The following ESRRG variants were observed in gnomAD, a reference collection of about 807,000 sequenced individuals.
ESRRG encodes estrogen related receptor gamma.
A neutral mutation model predicts 44.0 loss-of-function variants in ESRRG; 13 were observed. That is an observed-to-expected ratio of 0.30 (90% CI 0.19 to 0.47). The LOEUF is 0.47. Among genes scored for constraint, ESRRG ranks in the 20% least tolerant of loss-of-function variants. ESRRG has a pLI of 1.00. For synonymous variants in ESRRG, 215 were observed against 214.6 expected (o/e 1.00, Z -0.02); for missense variants, 395 against 580.6 (o/e 0.68, Z 3.29).
At chr1:217,053,362 G>A (rs1045616390) in intron 1 of ESRRG, among the ~76,000 whole-genome samples, 2 of 151,936 alleles carry the variant, frequency 1.3e-5, no homozygotes, top group Non-Finnish European at 2.9e-5. Context: ...GGCTGAGGCA[G>A]GAGAATCGCT....
intron 3 of ESRRG, among the ~76,000 whole-genome samples, chr1:216,622,079 A>G (rs1332326445): frequency 6.6e-6 from 1 of 152,244 alleles, no homozygotes; most frequent in Non-Finnish European, 1.5e-5. Flanking sequence ...AACACCTTCC[A>G]TCAGCTGGAT....
At chr1:216,650,925 T>A in intron 3 of ESRRG, 48 bp downstream of exon 3, 1 of 1,233,926 alleles carries the variant, frequency 8.1e-7, no homozygotes, top group Non-Finnish European at 1.2e-6. Context: ...TTGCCTCCCA[T>A]CCCCACAGCA....
At chr1:216,521,027 AGAGAT>A (rs1222087441) in intron 5 of ESRRG, among the ~76,000 whole-genome samples, 1 of 152,174 alleles carries the variant, frequency 6.6e-6, no homozygotes, top group Non-Finnish European at 1.5e-5. Context: ...AATCATCAGA[AGAGAT>A]GAGTCAAGCT....
intron 1 of ESRRG, among the ~76,000 whole-genome samples, chr1:216,706,845 T>C (rs939203990): frequency 2.0e-5 from 3 of 152,212 alleles, no homozygotes; most frequent in African/African-American, 7.2e-5. Flanking sequence ...TTTAATGACC[T>C]GGAGCAAACC....
chr1:216,991,711 A>G (rs1015061348), intron 1 of ESRRG, among the ~76,000 whole-genome samples: 7 of 151,744 alleles, frequency 4.6e-5, no homozygotes, highest in Non-Finnish European at 7.4e-5. Context: ...CTTGAAGAAC[A>G]AGAAACAGGA....
At position 216,683,465 on chromosome 1, in the gene ESRRG, A is replaced by T. The variant is rs2077387544; in HGVS notation, c.57-5974T>A. Among the ~76,000 whole-genome samples, 3 of 152,310 alleles carry T rather than the reference A, an allele frequency of 2.0e-5. No homozygotes were observed. The South Asian group carries it at 6.2e-4, about 32-fold the overall frequency. ...ACAAATAACTTGTGCATTTAGTTCA[A>T]AAGACTCTCTCTAGCTTACTCCATG... On this transcript the variant is annotated intron_variant, in intron 1 of 6. Transcript: ENST00000408911.
At chr1:216,774,921 C>T (rs187056768) in intron 2 of ESRRG, among the ~76,000 whole-genome samples, 214 of 151,450 alleles carry the variant, frequency 1.4e-3, no homozygotes, top group African/African-American at 5.0e-3. Context: ...CCCACCTCAG[C>T]CTCTTGAGTA....
intron 2 of ESRRG, among the ~76,000 whole-genome samples, chr1:216,666,823 C>T (rs1017353031): frequency 1.3e-5 from 2 of 152,122 alleles, no homozygotes; most frequent in Non-Finnish European, 2.9e-5. Context: ...TCTGTGAAGT[C>T]CCTTAGACTG....
chr1:216,544,490 C>G (rs2053863207), intron 5 of ESRRG, among the ~76,000 whole-genome samples: 1 of 151,914 alleles, frequency 6.6e-6, no homozygotes, highest in Non-Finnish European at 1.5e-5. Context: ...ATACCCAAAC[C>G]CACATTACAC....
At chr1:216,923,024 G>A (rs1240519851) in intron 2 of ESRRG, among the ~76,000 whole-genome samples, 18 of 152,194 alleles carry the variant, frequency 1.2e-4, no homozygotes, top group Admixed American at 9.8e-4. Context: ...CCAGAGAGCA[G>A]CTATGCTTCT....
intron 2 of ESRRG, among the ~76,000 whole-genome samples, chr1:216,763,283 C>G (rs1057464081): frequency 6.6e-6 from 1 of 151,952 alleles, no homozygotes; most frequent in Non-Finnish European, 1.5e-5. Flanking sequence ...GCTATGAAGT[C>G]TCTTTAGGAG....
At chr1:216,868,341 G>A (rs1433333706) in intron 2 of ESRRG, among the ~76,000 whole-genome samples, 1 of 151,948 alleles carries the variant, frequency 6.6e-6, no homozygotes, top group Non-Finnish European at 1.5e-5. Flanking sequence ...ACCCACCTCG[G>A]CCTCCCAAAG....
intron 2 of ESRRG, among the ~76,000 whole-genome samples, chr1:216,837,750 G>C (rs1340147217): frequency 2.0e-5 from 3 of 152,220 alleles, no homozygotes; most frequent in African/African-American, 7.2e-5. Flanking sequence ...CCTGAGGAAA[G>C]ATGACCTGTG....
chr1:216,662,135 C>T (rs2072625568), intron 2 of ESRRG, among the ~76,000 whole-genome samples: 1 of 149,264 alleles, frequency 6.7e-6, no homozygotes, highest in South Asian at 2.1e-4. Context: ...GCAATAATTA[C>T]AACATCATTA....
chr1:216,994,881 G>A (rs1233441856), intron 1 of ESRRG, among the ~76,000 whole-genome samples: 3 of 152,072 alleles, frequency 2.0e-5, no homozygotes, highest in East Asian at 1.9e-4. Flanking sequence ...CACCGTGCCC[G>A]GCCCCGTCCA....
upstream of ESRRG, among the ~76,000 whole-genome samples, chr1:216,726,438 T>G (rs1430986289): frequency 1.3e-5 from 2 of 152,182 alleles, no homozygotes; most frequent in African/African-American, 2.4e-5. Context: ...TTTCTCACCT[T>G]GCAGGAGAAA....
In ESRRG at chr1:217,114,004, GA is replaced by G. The variant is rs908649356; in HGVS notation, c.-230+23662del. Among the ~76,000 whole-genome samples the G allele has an allele frequency of 6.5e-4, 94 of 143,538 alleles. 1 individual carries two copies. The East Asian group carries it at 9.2e-3, about 14-fold the overall frequency. The allele number at this position is 143,538 out of a possible 152,430, so 94.2% of individuals were successfully genotyped here. A position where few individuals can be genotyped will look rare whatever the true frequency, so the allele number is the denominator to read the frequency against. On this transcript the variant is annotated intron_variant, in intron 1 of 8. Transcript: ENST00000366940. Reference sequence around the variant, plus strand: ...ACAGAGTTAGACCATGTTTCTAAAAGAAAAAAAAAAGGAAATTGGACTGGGA... The same window carrying G: ...ACAGAGTTAGACCATGTTTCTAAAAGAAAAAAAAAGGAAATTGGACTGGGA...
chr1:217,057,561 GA>G (rs1342543848), intron 1 of ESRRG, among the ~76,000 whole-genome samples: 5 of 151,550 alleles, frequency 3.3e-5, no homozygotes, highest in African/African-American at 7.3e-5. Context: ...AGACAGGACT[GA>G]AAAAAATGAT....
intron 6 of ESRRG, among the ~76,000 whole-genome samples, chr1:216,518,567 A>C (rs1031098641): frequency 6.6e-6 from 1 of 152,158 alleles, no homozygotes; most frequent in Non-Finnish European, 1.5e-5. Flanking sequence ...ACAACAAAGC[A>C]CCAACGATTT....
Sources: allele counts gnomAD v4.1 joint callset (sites outside exome capture counted in the v4.1 genomes callset), GRCh38; gene constraint gnomAD v4.1.1; transcripts MANE v1.5; gene names NCBI Gene and HGNC (gene_info 2026-07-23, HGNC 2026-07-21).